COL4A1: variants seen among roughly 807,000 people sequenced by gnomAD.
COL4A1 encodes the protein collagen type IV alpha 1 chain, also known as collagen alpha-1(IV) chain.
In COL4A1, 40 loss-of-function variants were observed where a neutral mutation model predicts 216.6. The observed-to-expected ratio is 0.18, with a 90% CI of 0.14 to 0.24. The LOEUF is 0.24. Among genes scored for constraint, COL4A1 ranks in the 10% least tolerant of loss-of-function variants. COL4A1 has a pLI of 1.00. For missense variants in COL4A1, 1,628 were observed against 2,196.8 expected (o/e 0.74, Z 5.18); for synonymous variants, 839 against 810.7 (o/e 1.03, Z -0.59).
At chr13:110,301,827 C>T (rs1447825487) in intron 1 of COL4A1, among the ~76,000 whole-genome samples, 1 of 152,074 alleles carries the variant, frequency 6.6e-6, no homozygotes, top group Admixed American at 6.5e-5. Context: ...AGGAACGAGG[C>T]CAGAAAAATT....
chr13:110,294,696 A>C (rs1040375673), intron 1 of COL4A1, among the ~76,000 whole-genome samples: 2 of 152,254 alleles, frequency 1.3e-5, no homozygotes, highest in East Asian at 1.9e-4. Flanking sequence ...ACAAAGTTGA[A>C]TTTGGGAGGT....
rs139885514 is a variant in COL4A1, at chr13:110,198,649, C to T, written c.1121-18G>A. On this transcript the variant is annotated intron_variant, in intron 20 of 51. Transcript: ENST00000375820. ...AGGGAGGCCTGCAACCAGACAGAAG[C>T]TCACATCAGTAACCTCAGGGCCACT... is the stretch of plus-strand genomic sequence containing the variant. 0.01 allele frequency: 16,664 copies of T among 1,613,806 alleles called. 122 individuals carry two copies. The highest frequency in any genetic ancestry group is 0.012 in the Non-Finnish European group (14,457 of 1,179,920).
chr13:110,265,891 C>T (rs1033367245), intron 1 of COL4A1: 1 of 152,132 alleles, frequency 6.6e-6, no homozygotes, highest in Non-Finnish European at 1.5e-5. Context: ...TCTAAGAGCC[C>T]GCGGGAATTC....
chr13:110,201,810 C>T (rs1879262307), intron 18 of COL4A1: 2 of 541,208 alleles, frequency 3.7e-6, no homozygotes, highest in African/African-American at 1.9e-5. Context: ...GGTGAAACCC[C>T]GACTCTACTA....
At chr13:110,215,397 TA>T (rs1437363960) in intron 2 of COL4A1, among the ~76,000 whole-genome samples, 6 of 151,988 alleles carry the variant, frequency 3.9e-5, no homozygotes, top group Non-Finnish European at 8.8e-5. Context: ...CTTTCTCTAC[TA>T]AAAAATGCAA....
chr13:110,153,424 C>T (rs2027583), intron 50 of COL4A1, among the ~76,000 whole-genome samples: 2,943 of 152,312 alleles, frequency 0.019, 109 homozygotes, highest in African/African-American at 0.068. Context: ...TGGGCAATCA[C>T]TGTTTCAGGC....
chr13:110,158,355 C>T (rs772615538), intron 49 of COL4A1, among the ~76,000 whole-genome samples: 9 of 152,230 alleles, frequency 5.9e-5, no homozygotes, highest in Non-Finnish European at 1.3e-4. Context: ...CGTGGCATAG[C>T]TCTCTCACTA....
intron 1 of COL4A1, among the ~76,000 whole-genome samples, chr13:110,249,852 T>A (rs1225356013): frequency 6.6e-6 from 1 of 152,206 alleles, no homozygotes; most frequent in Non-Finnish European, 1.5e-5. Flanking sequence ...AAGCTTACAT[T>A]TGCATAACAT....
chr13:110,177,940 A>G lies in COL4A1; in HGVS notation c.2627-9T>C, dbSNP rs1024024964. On this transcript the variant is annotated splice_polypyrimidine_tract_variant and intron_variant, in intron 32 of 51. Transcript: ENST00000375820. ...CATTTCTCCCTTGGAACCTGTGGCC[A>G]AAGGAAAGGACTGTGAACATTTTCT... 2.2e-5 allele frequency: 36 copies of G among 1,614,014 alleles called. No individual in the cohort carries two copies. The highest frequency in any genetic ancestry group is 1.1e-4 in the African/African-American group (8 of 74,904).
chr13:110,275,731 T>C (rs1008400185), intron 1 of COL4A1, among the ~76,000 whole-genome samples: 12 of 152,076 alleles, frequency 7.9e-5, no homozygotes, highest in African/African-American at 2.9e-4. Flanking sequence ...AAATGAGCTA[T>C]CAAGACGTGA....
At position 110,155,264 on chromosome 13, in the gene COL4A1, C is replaced by G; in HGVS notation, c.4755+19G>C. On this transcript the variant is annotated intron_variant, in intron 50 of 51. Coordinates refer to ENST00000375820, the MANE Select transcript of COL4A1 (RefSeq NM_001845.6). ...GTGGGGCTCTTCCCGGGAAATATGG[C>G]GTCTCCCCAGACACTTACCATCACA... The G allele has an allele frequency of 6.3e-7, 1 of 1,577,302 alleles. No individual in the cohort carries two copies. The highest frequency in any genetic ancestry group is 1.1e-5 in the South Asian group (1 of 90,392).
chr13:110,181,098 A>G (rs185857877), intron 29 of COL4A1, among the ~76,000 whole-genome samples, 194 bp downstream of exon 29: 333 of 152,328 alleles, frequency 2.2e-3, no homozygotes, highest in African/African-American at 5.9e-3. Flanking sequence ...CATAAAATCA[A>G]AACAAGTGTT....
chr13:110,233,115 G>A (rs1881142118), intron 2 of COL4A1, among the ~76,000 whole-genome samples: 1 of 151,998 alleles, frequency 6.6e-6, no homozygotes, highest in Admixed American at 6.6e-5. Flanking sequence ...CTTTTCTAGG[G>A]TACATTGTTG....
chr13:110,290,222 G>A (rs557023473), intron 1 of COL4A1, among the ~76,000 whole-genome samples: 1 of 152,290 alleles, frequency 6.6e-6, no homozygotes, highest in East Asian at 1.9e-4. Flanking sequence ...GACAACAAGT[G>A]CGAACACACT....
At chr13:110,260,475 C>T (rs1489306097) in intron 1 of COL4A1, among the ~76,000 whole-genome samples, 1 of 152,218 alleles carries the variant, frequency 6.6e-6, no homozygotes, top group Admixed American at 6.5e-5. Context: ...ACAGGACAGG[C>T]TTGTGACTTA....
chr13:110,218,168 A>C (rs1334195100), intron 2 of COL4A1, among the ~76,000 whole-genome samples: 2 of 151,370 alleles, frequency 1.3e-5, no homozygotes, highest in Non-Finnish European at 2.9e-5. Context: ...ATGTTAACAC[A>C]AAATATACCT....
intron 2 of COL4A1, among the ~76,000 whole-genome samples, chr13:110,231,456 T>C (rs1013124944): frequency 1.3e-5 from 2 of 152,256 alleles, no homozygotes; most frequent in South Asian, 2.1e-4. Context: ...GGCCTGCGAA[T>C]GACCGTTCGG....
intron 33 of COL4A1, among the ~76,000 whole-genome samples, chr13:110,177,406 G>T (rs533008759): frequency 6.6e-6 from 1 of 152,200 alleles, no homozygotes; most frequent in South Asian, 2.1e-4. Flanking sequence ...CAAAACAAAT[G>T]ACCTTTTCAT....
At chr13:110,172,916 T>C (rs1193062317) in intron 40 of COL4A1, 146 bp from the exon 41 acceptor site, 4 of 738,346 alleles carry the variant, frequency 5.4e-6, no homozygotes, top group South Asian at 1.5e-5. Flanking sequence ...TGTAATAAAA[T>C]GATATTCCTA....
Sources: gnomAD v4.1 joint callset for allele counts (sites outside exome capture counted in the v4.1 genomes callset) on GRCh38, gnomAD v4.1.1 for gene constraint, MANE v1.5 for transcripts, NCBI Gene and HGNC (gene_info 2026-07-23, HGNC 2026-07-21) for gene names.